The following FAM217B variants were observed in gnomAD, a reference collection of about 807,000 sequenced individuals.
The protein encoded by FAM217B is protein FAM217B.
For synonymous variants in FAM217B, 163 were observed against 173.0 expected, an observed-to-expected ratio of 0.94 and a Z score of 0.45; for missense variants, 463 against 456.9, an observed-to-expected ratio of 1.01 and a Z score of -0.12.
chr20:59,948,444 A>G lies in FAM217B; in HGVS notation c.*3349A>G, dbSNP rs2060950598. The G allele has an allele frequency of 6.0e-6, 1 of 167,040 alleles. No homozygotes were observed. The highest frequency in any genetic ancestry group is 1.5e-5 in the Non-Finnish European group (1 of 68,116). 10.3% of individuals were successfully genotyped at this position (167,040 alleles called of 1,614,324 possible). The stretch of plus-strand genomic sequence containing the variant: ...ATGCTCACTTATGGAGTAGTTACAT[A>G]GAAATATAACTCTTGGTGGTACTGT... On this transcript the variant is annotated 3_prime_UTR_variant, in exon 4 of 4. Transcript: ENST00000360816.
intron 3 of FAM217B, 46 bp from the exon 4 acceptor site, chr20:59,943,894 A>G (rs745328054): frequency 1.4e-6 from 2 of 1,469,230 alleles, no homozygotes; most frequent in African/African-American, 2.8e-5. Flanking sequence ...TAGCCAGACC[A>G]TTTTTTGTCA....
chr20:59,934,488 G>A (rs968197148), intron 1 of FAM217B, among the ~76,000 whole-genome samples: 1 of 152,154 alleles, frequency 6.6e-6, no homozygotes, highest in East Asian at 1.9e-4. Flanking sequence ...TGTTCCACGT[G>A]CACTGAGATG....
At position 59,945,213 on chromosome 20, in the gene FAM217B, C is replaced by T. The variant is rs990076373; in HGVS notation, c.*118C>T. ...CAAATACTGACATTTAAGTAGTTGA[C>T]TGGCATTTTTGTCCACCTTTATTTC... On this transcript the variant is annotated 3_prime_UTR_variant, in exon 4 of 4. Coordinates refer to ENST00000360816, the MANE Select transcript of FAM217B (RefSeq NM_022106.3). 2.5e-5 allele frequency: 23 copies of T among 915,452 alleles called. No homozygotes were observed. The African/African-American group carries it at 3.4e-4, about 13-fold the overall frequency. The allele number at this position is 915,452 out of a possible 1,614,324, so 56.7% of individuals were successfully genotyped here.
Position 59,944,839 on chromosome 20 carries a change from A to G in FAM217B, c.896A>G (p.Lys299Arg). ...RTEEKKKKSS[K>R]STKLQRWDLS... ...GAAGAAAAGAAAAAGAAATCAAGTA[A>G]GAGTACGAAGCTGCAGCGCTGGGAT... Residue 299 changes from lysine (K) to arginine (R), a missense_variant, in exon 4 of 4, where the codon AAG becomes AGG. Coordinates refer to ENST00000360816, the MANE Select transcript of FAM217B (RefSeq NM_022106.3). 1.2e-6 allele frequency: 2 copies of G among 1,614,192 alleles called. No individual in the cohort carries two copies. Among genetic ancestry groups the G allele is most frequent in the Non-Finnish European group, 1.7e-6 (2 of 1,180,026 alleles).
chr20:59,942,613 A>G (rs1286020150), intron 3 of FAM217B, 101 bp downstream of exon 3: 1 of 152,234 alleles, frequency 6.6e-6, no homozygotes, highest in East Asian at 1.9e-4. Flanking sequence ...GTCTATAGAT[A>G]AGAAATATAC....
At chr20:59,936,488 A>G (rs535696646), upstream of FAM217B, among the ~76,000 whole-genome samples, 17 of 152,344 alleles carry the variant, frequency 1.1e-4, no homozygotes, top group East Asian at 1.9e-3. Flanking sequence ...CGGAAGGCAG[A>G]CAGACAGACA....
At chr20:59,942,869 G>A (rs569784558) in intron 3 of FAM217B, among the ~76,000 whole-genome samples, 18 of 152,236 alleles carry the variant, frequency 1.2e-4, no homozygotes, top group South Asian at 8.3e-4. Context: ...CTGAATAATG[G>A]AGATTCCTTC....
At chr20:59,939,148 C>A, upstream of FAM217B, 2 of 1,611,564 alleles carry the variant, frequency 1.2e-6, no homozygotes, top group Non-Finnish European at 1.7e-6. Flanking sequence ...TCGGCACCCG[C>A]CACTTGGTAG....
At chr20:59,939,029 G>A (rs759003138), upstream of FAM217B, 20 of 1,514,340 alleles carry the variant, frequency 1.3e-5, no homozygotes, top group Admixed American at 1.1e-4. Context: ...GTCCCCGCGC[G>A]GCTCAGATGA....
upstream of FAM217B, chr20:59,939,101 G>A: frequency 6.3e-7 from 1 of 1,597,820 alleles, no homozygotes; most frequent in Non-Finnish European, 8.5e-7. Flanking sequence ...TGCGACATGT[G>A]AGGCTGTAGT....
chr20:59,939,232 C>T (rs780665024), upstream of FAM217B: 108 of 1,611,142 alleles, frequency 6.7e-5, no homozygotes, highest in Non-Finnish European at 8.6e-5. Flanking sequence ...GTGAAAACGT[C>T]CTCCGTGCCC....
intron 1 of FAM217B, among the ~76,000 whole-genome samples, chr20:59,941,710 C>G (rs1223485602): frequency 6.6e-6 from 1 of 152,192 alleles, no homozygotes; most frequent in East Asian, 1.9e-4. Context: ...TGGGAACGTT[C>G]CTCCTAGAGT....
upstream of FAM217B, chr20:59,938,281 T>C (rs1001709804): frequency 1.3e-5 from 2 of 152,230 alleles, no homozygotes; most frequent in African/African-American, 2.4e-5. Context: ...TGCAGAGAAA[T>C]AACTGTTTTG....
chr20:59,934,824 G>A (rs2145940992), intron 1 of FAM217B, among the ~76,000 whole-genome samples: 1 of 152,228 alleles, frequency 6.6e-6, no homozygotes, highest in East Asian at 1.9e-4. Context: ...TAAACACAAG[G>A]TAATAGAATC....
chr20:59,939,453 G>A (rs758843522), upstream of FAM217B: 4 of 1,611,802 alleles, frequency 2.5e-6, no homozygotes, highest in South Asian at 1.1e-5. Flanking sequence ...GACGGGCGGC[G>A]GGAAATCGGG....
upstream of FAM217B, among the ~76,000 whole-genome samples, chr20:59,935,739 C>T (rs1451172603): frequency 3.9e-5 from 6 of 152,196 alleles, no homozygotes; most frequent in Non-Finnish European, 8.8e-5. Flanking sequence ...CACCACTGCA[C>T]TCCAACGTTG....
intron 1 of FAM217B, among the ~76,000 whole-genome samples, chr20:59,935,046 G>T (rs1211171889): frequency 6.6e-6 from 1 of 152,188 alleles, no homozygotes; most frequent in Non-Finnish European, 1.5e-5. Flanking sequence ...GATTTGAGGG[G>T]ATTTTATATG....
At chr20:59,938,973 G>C, upstream of FAM217B, 1 of 1,429,000 alleles carries the variant, frequency 7.0e-7, no homozygotes, top group Middle Eastern at 1.9e-4. Flanking sequence ...GCCCAGCAGG[G>C]AAATGACAGG....
Position 59,944,903 on chromosome 20 carries a change from C to CTCTAA in FAM217B, c.960_961insTCTAA (p.Gly321SerfsTer13). On this transcript the variant is annotated frameshift_variant, in exon 4 of 4. Transcript: ENST00000360816. LOFTEE classifies it low-confidence loss of function (END_TRUNC). ...GAAGCAGCTCTAAGGTGGAAACCAG[C>CTCTAA]GGTCACATTCGAGTTCCCAAACAGG... is the stretch of plus-strand genomic sequence containing the variant. 1 of 1,614,182 alleles carries CTCTAA rather than the reference C, an allele frequency of 6.2e-7. No individual in the cohort carries two copies. The highest frequency in any genetic ancestry group is 8.5e-7 in the Non-Finnish European group (1 of 1,180,028).
Sources: allele counts gnomAD v4.1 joint callset (sites outside exome capture counted in the v4.1 genomes callset), GRCh38; gene constraint gnomAD v4.1.1; transcripts MANE v1.5; gene names NCBI Gene and HGNC (gene_info 2026-07-23, HGNC 2026-07-21).